Variants in INTS1 observed in about 807,000 individuals in gnomAD.
INTS1 encodes the protein integrator complex subunit 1.
INTS1 carries 137 observed loss-of-function variants against 241.6 expected under a neutral mutation model. The observed-to-expected ratio is 0.57, with a 90% confidence interval of 0.49 to 0.65. The LOEUF is 0.65. Among genes scored for constraint, INTS1 ranks in the 30% least tolerant of loss-of-function variants. The probability of loss-of-function intolerance (pLI) is 0.00; values close to 1 mark genes in which losing one functional copy is unlikely to be tolerated. For synonymous variants in INTS1, 1,692 were observed against 1,337.8 expected (o/e 1.26, Z -5.78); for missense variants, 3,073 against 3,032.2 (o/e 1.01, Z -0.32).
At chr7:1,502,189 T>C (rs901993375) in intron 3 of INTS1, among the ~76,000 whole-genome samples, 1 of 152,026 alleles carries the variant, frequency 6.6e-6, no homozygotes, top group Admixed American at 6.6e-5. Context: ...TTTTGACTCC[T>C]ACAAAGAAAT....
At chr7:1,492,956 G>C in intron 16 of INTS1, 54 bp downstream of exon 16, 1 of 1,396,598 alleles carries the variant, frequency 7.2e-7, no homozygotes, top group Non-Finnish European at 1.0e-6. Flanking sequence ...GTGGGAGTGG[G>C]GAGCGGGGCG....
chr7:1,495,094 AACGGG>A (rs1441731341), intron 13 of INTS1, among the ~76,000 whole-genome samples: 2 of 137,384 alleles, frequency 1.5e-5, no homozygotes, highest in South Asian at 2.4e-4. Flanking sequence ...ACAGCGGCCG[AACGGG>A]GCTGCCGGGC....
Position 1,474,226 on chromosome 7 carries a change from C to A in INTS1, c.5771G>T (p.Arg1924Leu), listed in dbSNP as rs184055406. Residue 1924 changes from arginine (R) to leucine (L), a missense_variant, in exon 41 of 48, where the codon CGC becomes CTC. Physicochemically the swap from Arg to Leu is moderately radical, Grantham distance 102. Coordinates refer to ENST00000404767, the MANE Select transcript of INTS1 (RefSeq NM_001080453.3). Reference protein sequence around the residue: ...LLELLQPHVFRSEHQGALWDC... With the variant: ...LLELLQPHVFLSEHQGALWDC... ...CCACAGCGCCCCCTGGTGCTCGCTG[C>A]GGAACACGTGCGGCTGCAGCAGCTC... The A allele has an allele frequency of 3.0e-5, 48 of 1,598,764 alleles. No individual in the cohort carries two copies. The highest frequency in any genetic ancestry group is 1.0e-4 in the Admixed American group (6 of 59,582).
Position 1,493,703 on chromosome 7 carries a change from G to A in INTS1, c.2068+51C>T, listed in dbSNP as rs1583146398. The A allele has an allele frequency of 2.6e-6, 4 of 1,517,852 alleles. No individual in the cohort carries two copies. Among genetic ancestry groups the A allele is most frequent in the Non-Finnish European group, 3.5e-6 (4 of 1,128,376 alleles). The allele number at this position is 1,517,852 out of a possible 1,614,324, so 94.0% of individuals were successfully genotyped here. On this transcript the variant is annotated intron_variant, in intron 15 of 47. Coordinates refer to ENST00000404767, the MANE Select transcript of INTS1 (RefSeq NM_001080453.3). The surrounding 1 kb of genome is among the most constrained non-coding windows in gnomAD (Gnocchi z 5.3). ...CGTGCCAGAGCCGGGGTTTCTGCAG[G>A]GACGAGGGGAGCAGACCCAGCACAG...
In INTS1 at chr7:1,479,600, C is replaced by G. The variant is rs767012416; in HGVS notation, c.4159G>C (p.Glu1387Gln). 39 of 1,537,002 alleles carry G rather than the reference C, an allele frequency of 2.5e-5. No individual in the cohort carries two copies. Among genetic ancestry groups the G allele is most frequent in the Non-Finnish European group, 3.2e-5 (36 of 1,140,456 alleles). ...ALALQQALGQ[E>Q]LARVVQGSPE... ...CTGCCCTGGACGACGCGGGCCAGCT[C>G]CTGGCCCAGGGCCTGCTGCAGGGCG... The change falls in exon 31 of 48, where the codon GAG becomes CAG. Residue 1387 changes from glutamate to glutamine, a missense_variant. Transcript: ENST00000404767.
chr7:1,473,755 G>A (rs1183106214), intron 41 of INTS1, 62 bp from the exon 42 acceptor site: 1 of 1,587,718 alleles, frequency 6.3e-7, no homozygotes, highest in East Asian at 2.3e-5. Context: ...CAGAGCCTGT[G>A]CTCCCATCTG....
rs1782059894 is a variant in INTS1 at position 1,482,825 on chromosome 7, G to C, written c.3542-118C>G. 4 of 1,243,414 alleles carry C rather than the reference G, an allele frequency of 3.2e-6. No individual in the cohort carries two copies. The South Asian group carries it at 5.7e-5, about 18-fold the overall frequency. The allele number at this position is 1,243,414 out of a possible 1,614,324, so 77.0% of individuals were successfully genotyped here. On this transcript the variant is annotated intron_variant, in intron 26 of 47. Transcript: ENST00000404767. Reference sequence around the variant, plus strand: ...CGAGAAGGAAACTGAGACTTGGGAGGAGCACGGGGCTCCTGTGCTAGGTGA... The same window carrying C: ...CGAGAAGGAAACTGAGACTTGGGAGCAGCACGGGGCTCCTGTGCTAGGTGA...
chr7:1,499,735 C>G (rs1783063440), intron 5 of INTS1, 103 bp from the exon 6 acceptor site: 3 of 1,478,414 alleles, frequency 2.0e-6, no homozygotes, highest in Non-Finnish European at 2.7e-6. Context: ...GCGGCCCTCT[C>G]CAGCTTCTGG....
rs564932768 is a variant in INTS1 at position 1,499,408 on chromosome 7, C to G, written c.845-48G>C. The G allele has an allele frequency of 4.0e-5, 31 of 784,492 alleles. No individual in the cohort carries two copies. In the African/African-American group the frequency reaches 6.1e-4, roughly 15 times the overall value. The allele number at this position is 784,492 out of a possible 1,614,324, so 48.6% of individuals were successfully genotyped here. On this transcript the variant is annotated intron_variant, in intron 6 of 47. Transcript: ENST00000404767. ...CATGCAGCGCCTCCCACCCGCCCATCCTCCCACCCCTCCCCTGCCCTGGGG... is the reference window on the plus strand; with the variant it reads ...CATGCAGCGCCTCCCACCCGCCCATGCTCCCACCCCTCCCCTGCCCTGGGG...
intron 40 of INTS1, among the ~76,000 whole-genome samples, 169 bp downstream of exon 40, chr7:1,474,536 C>G (rs1306251472): frequency 1.3e-5 from 2 of 152,310 alleles, no homozygotes; most frequent in Admixed American, 1.3e-4. Flanking sequence ...CCCAGCTCCT[C>G]CCACCTGAGG....
At position 1,493,866 on chromosome 7, in the gene INTS1, C is replaced by G; in HGVS notation, c.1956G>C (p.Thr652=). ...LCSEVPILED[T]LMRILVIGLS... The stretch of plus-strand genomic sequence containing the variant: ...GCCCGATGACCAGGATGCGCATCAG[C>G]GTGTCCTCCAAAATGGGCACCTCGG... The change falls in exon 15 of 48, where the codon ACG becomes ACC. Residue 652 remains threonine (T), a synonymous_variant. Transcript: ENST00000404767. This position sits in a 1 kb window ranked among gnomAD's most constrained non-coding sequence, Gnocchi z 5.3. The G allele has an allele frequency of 6.4e-7, 1 of 1,566,680 alleles. No individual in the cohort carries two copies. The highest frequency in any genetic ancestry group is 8.6e-7 in the Non-Finnish European group (1 of 1,156,476).
chr7:1,503,204 G>C lies in INTS1; in HGVS notation c.59-13C>G, dbSNP rs375103062. The C allele has an allele frequency of 2.6e-6, 4 of 1,519,988 alleles. No individual in the cohort carries two copies. In the African/African-American group the frequency reaches 4.2e-5, roughly 16 times the overall value. The allele number at this position is 1,519,988 out of a possible 1,614,324, so 94.2% of individuals were successfully genotyped here. A position where few individuals can be genotyped will look rare whatever the true frequency, so the allele number is the denominator to read the frequency against. On this transcript the variant is annotated splice_polypyrimidine_tract_variant and intron_variant, in intron 2 of 47. Coordinates refer to ENST00000404767, the MANE Select transcript of INTS1 (RefSeq NM_001080453.3). ...GGGGGAGGGTGCCCTGCAGAGAAAG[G>C]AGAGAGAAAACCGGGCACATTTGCA...
At position 1,482,657 on chromosome 7, in the gene INTS1, TCTC is replaced by T; in HGVS notation, c.3589_3591del (p.Glu1197del). The stretch of plus-strand genomic sequence containing the variant: ...ACCAGGAAGGCGGTGGGCAGTGGCT[TCTC>T]CTCCGGAAACCAGATGTCCAGCAGC... On this transcript the variant is annotated inframe_deletion, in exon 27 of 48. Transcript: ENST00000404767. 1.2e-6 allele frequency: 2 copies of T among 1,612,736 alleles called. No homozygotes were observed. The highest frequency in any genetic ancestry group is 1.7e-6 in the Non-Finnish European group (2 of 1,179,844).
rs560801625 is a variant in INTS1, at chr7:1,482,334, G to A, written c.3703+212C>T. ...CTGAGCCTGACAGTAAGACCCTCTC[G>A]GACGGGGCCAGCACAGGCTGCCCTA... On this transcript the variant is annotated intron_variant, in intron 27 of 47. Coordinates refer to ENST00000404767, the MANE Select transcript of INTS1 (RefSeq NM_001080453.3). The A allele has an allele frequency of 9.9e-5, 44 of 444,922 alleles. 1 individual carries two copies. In the South Asian group the frequency reaches 1.8e-3, roughly 18 times the overall value. 27.6% of individuals were successfully genotyped at this position (444,922 alleles called of 1,614,324 possible).
rs998941383 is a variant in INTS1 at position 1,481,971 on chromosome 7, C to G, written c.3704-483G>C. Among the ~76,000 whole-genome samples the G allele has an allele frequency of 5.3e-5, 8 of 152,168 alleles. No homozygotes were observed. Among genetic ancestry groups the G allele is most frequent in the Non-Finnish European group, 1.5e-5 (1 of 68,014 alleles). Reference sequence around the variant, plus strand: ...GCTGCACGCAGGCTGCTGTGACTATCTTCTCTCAGTGCTCAGGGCGCTCTT... The same window carrying G: ...GCTGCACGCAGGCTGCTGTGACTATGTTCTCTCAGTGCTCAGGGCGCTCTT... On this transcript the variant is annotated intron_variant, in intron 27 of 47. Coordinates refer to ENST00000404767, the MANE Select transcript of INTS1 (RefSeq NM_001080453.3). The surrounding 1 kb of genome is among the most constrained non-coding windows in gnomAD (Gnocchi z 6.8).
chr7:1,474,726 G>C lies in INTS1; in HGVS notation c.5615C>G (p.Ala1872Gly). 6.4e-7 allele frequency: 1 copy of C among 1,561,282 alleles called. No homozygotes were observed. The highest frequency in any genetic ancestry group is 2.4e-5 in the East Asian group (1 of 41,878). Reference sequence around the variant, plus strand: ...GCACCTGAGCAGCAGCAGCGGGTGCGCCACCGCCAGCTTCCGGCAGGCCAT... The same window carrying C: ...GCACCTGAGCAGCAGCAGCGGGTGCCCCACCGCCAGCTTCCGGCAGGCCAT... The part of the protein sequence containing the change: ...ASMACRKLAV[A>G]HPLLLLRHLP... Residue 1872 changes from alanine (A) to glycine (G), a missense_variant, in exon 40 of 48, where the codon GCG becomes GGG. By Grantham distance (60) the Ala-to-Gly change is moderately conservative. Coordinates refer to ENST00000404767, the MANE Select transcript of INTS1 (RefSeq NM_001080453.3).
chr7:1,498,556 G>T lies in INTS1; in HGVS notation c.1284-3C>A, dbSNP rs771479591. 6.2e-7 allele frequency: 1 copy of T among 1,613,454 alleles called. No individual in the cohort carries two copies. Among genetic ancestry groups the T allele is most frequent in the South Asian group, 1.1e-5 (1 of 91,072 alleles). ...CCTTGTGCGCGCTCAGCAGCTCCCT[G>T]GGTGAGGTGAGGGTACAGACCCTGT... On this transcript the variant is annotated splice_polypyrimidine_tract_variant and splice_region_variant and intron_variant, in intron 9 of 47. Coordinates refer to ENST00000404767, the MANE Select transcript of INTS1 (RefSeq NM_001080453.3).
At position 1,487,515 on chromosome 7, in the gene INTS1, C is replaced by T. The variant is rs1385742832; in HGVS notation, c.2517-66G>A. On this transcript the variant is annotated intron_variant, in intron 19 of 47. Coordinates refer to ENST00000404767, the MANE Select transcript of INTS1 (RefSeq NM_001080453.3). ...GCGGATCACCCCCAGAACCCCTCCT[C>T]CTCCCATCCCTGCTTCGAGGGGCAG... is the stretch of plus-strand genomic sequence containing the variant. 1.9e-6 allele frequency: 3 copies of T among 1,538,740 alleles called. No homozygotes were observed. In the African/African-American group the frequency reaches 4.1e-5, roughly 21 times the overall value.
In INTS1 at chr7:1,474,292, T is replaced by C. The variant is rs1781610083; in HGVS notation, c.5705A>G (p.Gln1902Arg). 2 of 1,608,866 alleles carry C rather than the reference T, an allele frequency of 1.2e-6. No homozygotes were observed. Among genetic ancestry groups the C allele is most frequent in the Non-Finnish European group, 1.7e-6 (2 of 1,179,010 alleles). ...GTGCAGGAAGCAGCTCAGGTGGTTC[T>C]GCTGCCGGAACTCCTGGAAGTTGAG... ...THLNFQEFRQ[Q>R]NHLSCFLHVL... is the part of the protein sequence containing the mutation. The change falls in exon 41 of 48, where the codon CAG becomes CGG. Residue 1902 changes from glutamine to arginine, a missense_variant. By Grantham distance (43) the Gln-to-Arg change is conservative. Coordinates refer to ENST00000404767, the MANE Select transcript of INTS1 (RefSeq NM_001080453.3).
Sources: allele counts gnomAD v4.1 joint callset (sites outside exome capture counted in the v4.1 genomes callset), GRCh38; gene constraint gnomAD v4.1.1; non-coding constraint Gnocchi (gnomAD v3.1); transcripts MANE v1.5; gene names NCBI Gene and HGNC (gene_info 2026-07-23, HGNC 2026-07-21).